PHKB: variants seen among roughly 807,000 people sequenced by gnomAD.
PHKB encodes the protein phosphorylase b kinase regulatory subunit beta.
PHKB carries 122 observed loss-of-function variants against 152.1 expected under a neutral mutation model. The ratio of observed to expected loss-of-function variants is 0.80; its 90% confidence interval spans 0.69 to 0.93. The LOEUF (loss-of-function observed/expected upper bound fraction) is 0.93, where lower values mean the gene tolerates loss of function less well. Ranked by LOEUF, PHKB falls within the 40% of genes least tolerant of loss-of-function variation. PHKB has a pLI of 0.00. For missense variants in PHKB, 1,304 were observed against 1,328.4 expected, an observed-to-expected ratio of 0.98 and a Z score of 0.29; for synonymous variants, 436 against 464.9, an observed-to-expected ratio of 0.94 and a Z score of 0.80.
chr16:47,596,898 A>T (rs964620215), intron 13 of PHKB, among the ~76,000 whole-genome samples: 2 of 152,158 alleles, frequency 1.3e-5, no homozygotes, highest in African/African-American at 4.8e-5. Flanking sequence ...CCTTTAGTAG[A>T]CCACTTGCCA....
rs11859829 is a variant in PHKB, at chr16:47,577,175, A to T, written c.711-3120A>T. On this transcript the variant is annotated intron_variant, in intron 7 of 30. Transcript: ENST00000323584. ...TTTTGATTTATCAATAGTGGTTTTG[A>T]TTGTATCATTTTGTATAACTTTTTA... is the stretch of plus-strand genomic sequence containing the variant. Among the ~76,000 whole-genome samples, 1,156 of 151,710 alleles carry T rather than the reference A, an allele frequency of 7.6e-3. 21 individuals carry two copies. Among genetic ancestry groups the T allele is most frequent in the African/African-American group, 0.026 (1,095 of 41,388 alleles).
chr16:47,573,883 C>T (rs1025568912), intron 7 of PHKB, among the ~76,000 whole-genome samples: 75 of 152,126 alleles, frequency 4.9e-4, no homozygotes, highest in African/African-American at 1.7e-3. Flanking sequence ...CAATGGCTTC[C>T]CTCCATCCCT....
At chr16:47,481,047 C>T (rs1969955273) in intron 1 of PHKB, among the ~76,000 whole-genome samples, 1 of 151,940 alleles carries the variant, frequency 6.6e-6, no homozygotes, top group South Asian at 2.1e-4. Context: ...CAACTTCGTA[C>T]TCATTTTATA....
At chr16:47,686,841 A>G (rs943535256) in intron 26 of PHKB, among the ~76,000 whole-genome samples, 5 of 152,216 alleles carry the variant, frequency 3.3e-5, no homozygotes, top group African/African-American at 1.2e-4. Context: ...AAAAAAGGAC[A>G]TTATCTCAAT....
chr16:47,628,348 C>T (rs902644367), intron 14 of PHKB, among the ~76,000 whole-genome samples: 8 of 152,092 alleles, frequency 5.3e-5, no homozygotes, highest in Non-Finnish European at 1.0e-4. Context: ...CTGGCTAACA[C>T]GGCAAAACCC....
intron 7 of PHKB, among the ~76,000 whole-genome samples, chr16:47,560,300 T>A (rs977683231): frequency 2.6e-5 from 4 of 152,194 alleles, no homozygotes; most frequent in African/African-American, 9.7e-5. Flanking sequence ...TACTTGTATA[T>A]TGAAAACTGC....
intron 8 of PHKB, among the ~76,000 whole-genome samples, chr16:47,585,587 C>G (rs1168726953): frequency 6.6e-6 from 1 of 152,104 alleles, no homozygotes; most frequent in Non-Finnish European, 1.5e-5. Context: ...AAATCTGGAC[C>G]GTAATGCCTA....
intron 4 of PHKB, among the ~76,000 whole-genome samples, chr16:47,503,760 C>T (rs575019609): frequency 7.5e-4 from 114 of 151,986 alleles, no homozygotes; most frequent in African/African-American, 2.3e-3. Flanking sequence ...ACCTGGGAGG[C>T]GGAGGTTGCA....
intron 16 of PHKB, 89 bp from the exon 17 acceptor site, chr16:47,648,444 A>G: frequency 1.1e-6 from 1 of 950,458 alleles, no homozygotes; most frequent in Non-Finnish European, 1.7e-6. Flanking sequence ...TCTCTCTGGA[A>G]AGATCAAAAA....
At chr16:47,542,099 AGGTTTTCCTCTAG>A (rs1445849530) in intron 6 of PHKB, among the ~76,000 whole-genome samples, 1 of 152,138 alleles carries the variant, frequency 6.6e-6, no homozygotes, top group African/African-American at 2.4e-5. Flanking sequence ...GGTATTGCCT[AGGTTTTCCTCTAG>A]GGTTTTTATG....
chr16:47,506,681 A>G (rs1224238774), intron 4 of PHKB, among the ~76,000 whole-genome samples: 8 of 152,236 alleles, frequency 5.3e-5, no homozygotes, highest in Admixed American at 5.2e-4. Context: ...TAGAATTATC[A>G]GAAGGAAGTC....
At chr16:47,578,846 A>C (rs748988182) in intron 7 of PHKB, among the ~76,000 whole-genome samples, 1 of 152,114 alleles carries the variant, frequency 6.6e-6, no homozygotes, top group Non-Finnish European at 1.5e-5. Flanking sequence ...GGGGTAGGGT[A>C]AAGTTTTTTC....
chr16:47,656,120 G>A (rs775390476), intron 20 of PHKB, among the ~76,000 whole-genome samples: 2 of 151,752 alleles, frequency 1.3e-5, no homozygotes, highest in Admixed American at 6.6e-5. Context: ...AGGTTCAAGC[G>A]ATTCTCCTGC....
chr16:47,665,341 A>G (rs1026429192), intron 25 of PHKB: 4 of 239,366 alleles, frequency 1.7e-5, no homozygotes. Flanking sequence ...TAAAAAAAAA[A>G]AATCTGTTCT....
rs1971818466 is a variant in PHKB, at chr16:47,580,197, TTAA to T, written c.711-94_711-92del. The stretch of plus-strand genomic sequence containing the variant: ...CTTCTTACAGAAGTTGTTATAAATG[TTAA>T]TAAAGAAATTTGCTCGTGAATATTC... On this transcript the variant is annotated intron_variant, in intron 7 of 30. Coordinates refer to ENST00000323584, the MANE Select transcript of PHKB (RefSeq NM_000293.3). The T allele has an allele frequency of 3.2e-5, 28 of 865,508 alleles. No individual in the cohort carries two copies. The South Asian group carries it at 3.8e-4, about 12-fold the overall frequency. 53.6% of individuals were successfully genotyped at this position (865,508 alleles called of 1,614,324 possible).
intron 16 of PHKB, among the ~76,000 whole-genome samples, chr16:47,648,302 A>C (rs1196084623): frequency 2.0e-5 from 3 of 152,172 alleles, no homozygotes; most frequent in Non-Finnish European, 4.4e-5. Context: ...AACAATATCA[A>C]ATTTAAGAAT....
chr16:47,649,468 G>C (rs1973195949), intron 18 of PHKB, among the ~76,000 whole-genome samples: 1 of 151,912 alleles, frequency 6.6e-6, no homozygotes, highest in Non-Finnish European at 1.5e-5. Flanking sequence ...AAAAACAGGG[G>C]GACCTATTTT....
chr16:47,691,995 A>C (rs546938713), intron 27 of PHKB, among the ~76,000 whole-genome samples: 6 of 152,324 alleles, frequency 3.9e-5, no homozygotes, highest in African/African-American at 1.4e-4. Flanking sequence ...AAATGCAGGC[A>C]GTGGGGTATC....
Position 47,696,369 on chromosome 16 carries a change from TA to T in PHKB, c.2896-11del. On this transcript the variant is annotated splice_polypyrimidine_tract_variant and intron_variant, in intron 28 of 30. Coordinates refer to ENST00000323584, the MANE Select transcript of PHKB (RefSeq NM_000293.3). ...ACGGTTCAGCATGTTAATGTGGAGT[TA>T]TTTTTTTCAGCAACCAACCCTGTCA... is the stretch of plus-strand genomic sequence containing the variant. 2.2e-6 allele frequency: 3 copies of T among 1,384,730 alleles called. No individual in the cohort carries two copies. The highest frequency in any genetic ancestry group is 3.1e-6 in the Non-Finnish European group (3 of 970,590). 85.8% of individuals were successfully genotyped at this position (1,384,730 alleles called of 1,614,324 possible).
Sources: allele counts gnomAD v4.1 joint callset (sites outside exome capture counted in the v4.1 genomes callset), GRCh38; gene constraint gnomAD v4.1.1; transcripts MANE v1.5; gene names NCBI Gene and HGNC (gene_info 2026-07-23, HGNC 2026-07-21).